Variants in SHROOM2 observed in about 807,000 individuals in gnomAD.
The protein encoded by SHROOM2 is shroom family member 2.
In SHROOM2, 33 loss-of-function variants were observed where a neutral mutation model predicts 75.9. That is an observed-to-expected ratio of 0.43 (90% CI 0.33 to 0.58). The LOEUF (loss-of-function observed/expected upper bound fraction) is 0.58, where lower values mean the gene tolerates loss of function less well. Among genes scored for constraint, SHROOM2 ranks in the 20% least tolerant of loss-of-function variants. The pLI, the probability that SHROOM2 is intolerant of heterozygous loss-of-function variation, is 0.04. For synonymous variants in SHROOM2, 655 were observed against 663.6 expected (o/e 0.99, Z 0.20); for missense variants, 1,434 against 1,461.2 (o/e 0.98, Z 0.30).
intron 5 of SHROOM2, among the ~76,000 whole-genome samples, chrX:9,919,324 C>CTTTT (rs55905923): frequency 0.013 from 422 of 32,455 alleles, 122 homozygotes; most frequent in African/African-American, 0.051. Context: ...GAGGAGGTTG[C>CTTTT]TTTTTTTTTT....
At position 9,904,564 on chromosome X, in the gene SHROOM2, C is replaced by T. The variant is rs576925140; in HGVS notation, c.2891+6274C>T. 1.9e-4 allele frequency among the ~76,000 whole-genome samples: 21 copies of T among 111,887 alleles called. 1 individual carries two copies. The South Asian group carries it at 7.6e-3, about 41-fold the overall frequency. ...CGGCCTCTCTTGGGGGAGAGACTCC[C>T]GTAGCACGTGCTGACGTGGCAGCCC... is the stretch of plus-strand genomic sequence containing the variant. On this transcript the variant is annotated intron_variant, in intron 5 of 9. Coordinates refer to ENST00000380913, the MANE Select transcript of SHROOM2 (RefSeq NM_001649.4).
chrX:9,889,856 T>C (rs1030017906), intron 2 of SHROOM2, among the ~76,000 whole-genome samples: 26 of 112,090 alleles, frequency 2.3e-4, no homozygotes, highest in African/African-American at 8.1e-4. Flanking sequence ...ACAGATAAGC[T>C]GTCTGAACTG....
In SHROOM2 at chrX:9,791,968, C is replaced by T. The variant is rs999956218; in HGVS notation, c.165+5258C>T. Among the ~76,000 whole-genome samples the T allele has an allele frequency of 1.3e-4, 8 of 62,802 alleles. 1 individual carries two copies. Among genetic ancestry groups the T allele is most frequent in the African/African-American group, 4.1e-4 (7 of 17,061 alleles). The allele number at this position is 62,802 out of a possible 115,157, so 54.5% of individuals were successfully genotyped here. On this transcript the variant is annotated intron_variant, in intron 1 of 9. Transcript: ENST00000380913. ...GGGCAACAGGAGCAAAACTCCATCT[C>T]GAGAATAGAATAGAATAGAATAGAA... is the stretch of plus-strand genomic sequence containing the variant.
intron 1 of SHROOM2, among the ~76,000 whole-genome samples, chrX:9,857,316 G>C (rs189142034): frequency 1.8e-5 from 2 of 111,635 alleles, no homozygotes; most frequent in Admixed American, 1.9e-4. Flanking sequence ...GTGGTTACAC[G>C]TTTGACCCTT....
intron 1 of SHROOM2, among the ~76,000 whole-genome samples, chrX:9,834,335 AAG>A (rs1269737544): frequency 1.8e-5 from 2 of 112,343 alleles, no homozygotes; most frequent in African/African-American, 3.2e-5. Context: ...GCTGGAAGAA[AAG>A]AGAGGCTCAG....
intron 1 of SHROOM2, chrX:9,819,463 C>G (rs2083840582): frequency 3.3e-6 from 1 of 306,539 alleles, no homozygotes; most frequent in Non-Finnish European, 6.0e-6. Context: ...TTGACGTTGA[C>G]AGACATTTTG....
intron 2 of SHROOM2, among the ~76,000 whole-genome samples, chrX:9,885,860 G>A (rs1212505815): frequency 1.9e-5 from 2 of 107,582 alleles, no homozygotes; most frequent in African/African-American, 6.8e-5. Flanking sequence ...GGCTGAGGCG[G>A]GAGGATCACT....
At chrX:9,941,774 A>G (rs1569180183) in intron 8 of SHROOM2, among the ~76,000 whole-genome samples, 1 of 109,216 alleles carries the variant, frequency 9.2e-6, no homozygotes, top group Non-Finnish European at 1.9e-5. Flanking sequence ...GATCGAGGCC[A>G]TCCTGGCTAA....
At chrX:9,914,066 T>TCCCCCCCCCCCCCCCCCCCCCCCCC (rs2084460972) in intron 5 of SHROOM2, among the ~76,000 whole-genome samples, 1 of 16,337 alleles carries the variant, frequency 6.1e-5, no homozygotes, top group African/African-American at 2.3e-4. Context: ...CCCACCCCCC[T>TCCCCCCCCCCCCCCCCCCCCCCCCC]GCCCCCCCGC....
Position 9,932,424 on chromosome X carries a change from C to T in SHROOM2, c.3141C>T (p.Asp1047=), listed in dbSNP as rs2084657760. The T allele has an allele frequency of 8.3e-7, 1 of 1,207,309 alleles. No individual in the cohort carries two copies. ...CACCCCTGCATGCTCGAGGACAAGA[C>T]TCGTGGCCAGTGAGCTCAGCCCTGC... ...PGSPLHARGQ[D]SWPVSSALLS... is the part of the protein sequence containing the mutation. The change falls in exon 6 of 10, where the codon GAC becomes GAT. Residue 1047 remains aspartate, a synonymous_variant. Transcript: ENST00000380913.
intron 5 of SHROOM2, among the ~76,000 whole-genome samples, chrX:9,901,097 T>G (rs915826746): frequency 9.0e-6 from 1 of 111,112 alleles, no homozygotes; most frequent in South Asian, 3.8e-4. Flanking sequence ...TGGTTCCTCC[T>G]GGGGCCTCTC....
chrX:9,891,367 C>A (rs1263179841), intron 3 of SHROOM2, among the ~76,000 whole-genome samples: 1 of 112,506 alleles, frequency 8.9e-6, no homozygotes, highest in African/African-American at 3.2e-5. Context: ...GGTGGGATGC[C>A]AGGCAGTAGG....
At chrX:9,906,793 A>T (rs1188241614) in intron 5 of SHROOM2, among the ~76,000 whole-genome samples, 1 of 112,760 alleles carries the variant, frequency 8.9e-6, no homozygotes, top group Non-Finnish European at 1.9e-5. Context: ...TCTCAAAAAA[A>T]ATTAAAATAA....
chrX:9,805,697 A>G (rs1298060663), intron 1 of SHROOM2, among the ~76,000 whole-genome samples: 1 of 111,576 alleles, frequency 9.0e-6, no homozygotes, highest in African/African-American at 3.3e-5. Context: ...GAAGTCAGGG[A>G]TGGAGGCCAA....
At chrX:9,943,536 G>A (rs1336654221) in intron 8 of SHROOM2, among the ~76,000 whole-genome samples, 2 of 111,613 alleles carry the variant, frequency 1.8e-5, no homozygotes, top group African/African-American at 3.3e-5. Context: ...CATTTAGAAG[G>A]CTGGTGGGAA....
chrX:9,906,064 A>G (rs2084390147), intron 5 of SHROOM2, among the ~76,000 whole-genome samples: 1 of 112,385 alleles, frequency 8.9e-6, no homozygotes, highest in South Asian at 3.6e-4. Context: ...ACCTGACATC[A>G]GCTTTACAGT....
rs1311271038 is a variant in SHROOM2, at chrX:9,896,994, A to C, written c.2790+296A>C. ...GCTTGCTCCTACCTTCATACTCAGC[A>C]AAGAACTTGGAGGGAGAAACTATGG... is the stretch of plus-strand genomic sequence containing the variant. On this transcript the variant is annotated intron_variant, in intron 4 of 9. Transcript: ENST00000380913. 2.7e-5 allele frequency among the ~76,000 whole-genome samples: 3 copies of C among 112,432 alleles called. No individual in the cohort carries two copies. In the South Asian group the frequency reaches 1.1e-3, roughly 41 times the overall value.
chrX:9,943,127 G>A (rs1313790750), intron 8 of SHROOM2, among the ~76,000 whole-genome samples: 1 of 110,110 alleles, frequency 9.1e-6, no homozygotes, highest in African/African-American at 3.3e-5. Context: ...TTAGGAGGCT[G>A]AGGTGGGAGG....
chrX:9,891,678 G>A (rs1031434883), intron 3 of SHROOM2, among the ~76,000 whole-genome samples: 2 of 110,578 alleles, frequency 1.8e-5, no homozygotes, highest in Non-Finnish European at 3.8e-5. Flanking sequence ...GGGTGTGAGT[G>A]TGTGGGGGGG....
Sources: gnomAD v4.1 joint callset for allele counts (sites outside exome capture counted in the v4.1 genomes callset) on GRCh38, gnomAD v4.1.1 for gene constraint, MANE v1.5 for transcripts, NCBI Gene and HGNC (gene_info 2026-07-23, HGNC 2026-07-21) for gene names.